Variants in RAD51B observed in about 807,000 individuals in gnomAD.
RAD51B encodes RAD51 paralog B.
RAD51B carries 38 observed loss-of-function variants against 42.2 expected under a neutral mutation model. The ratio of observed to expected loss-of-function variants is 0.90; its 90% confidence interval spans 0.70 to 1.18. The LOEUF (loss-of-function observed/expected upper bound fraction) is 1.18, where lower values mean the gene tolerates loss of function less well. Ranked by LOEUF, RAD51B falls within the 50% of genes most tolerant of loss-of-function variation. RAD51B has a pLI of 0.00. For synonymous variants in RAD51B, 154 were observed against 145.2 expected, an observed-to-expected ratio of 1.06 and a Z score of -0.43; for missense variants, 373 against 400.7, an observed-to-expected ratio of 0.93 and a Z score of 0.59.
At chr14:68,274,295 GGCAGAGCTAC>G (rs2081179297) in intron 7 of RAD51B, among the ~76,000 whole-genome samples, 1 of 152,036 alleles carries the variant, frequency 6.6e-6, no homozygotes, top group South Asian at 2.1e-4. Flanking sequence ...AAGCATTCAT[GGCAGAGCTAC>G]AAAATGTACC....
At chr14:68,141,190 T>G (rs1312141008) in intron 7 of RAD51B, among the ~76,000 whole-genome samples, 4 of 152,218 alleles carry the variant, frequency 2.6e-5, no homozygotes, top group Non-Finnish European at 5.9e-5. Context: ...ACATTTTTTG[T>G]TTTAGAAAAT....
At chr14:68,671,761 C>T (rs957230550) in intron 11 of RAD51B, among the ~76,000 whole-genome samples, 8 of 152,076 alleles carry the variant, frequency 5.3e-5, no homozygotes, top group African/African-American at 1.7e-4. Context: ...AAGGATGCCT[C>T]CACAGTGCTC....
Position 67,853,212 on chromosome 14 carries a change from C to A in RAD51B, c.316-11791C>A, listed in dbSNP as rs1391323220. Among the ~76,000 whole-genome samples the A allele has an allele frequency of 5.3e-5, 8 of 152,186 alleles. 1 individual carries two copies. The East Asian group carries it at 1.5e-3, about 29-fold the overall frequency. The stretch of plus-strand genomic sequence containing the variant: ...GATTTTTGCCAACAGCTTGAATGAA[C>A]TTGGAAGTTGATTCTTACTCCCAAC... On this transcript the variant is annotated intron_variant, in intron 4 of 10. Coordinates refer to ENST00000471583, the MANE Select transcript of RAD51B (RefSeq NM_133510.4).
intron 10 of RAD51B, among the ~76,000 whole-genome samples, chr14:68,625,550 G>A (rs1892058652): frequency 6.6e-6 from 1 of 152,122 alleles, no homozygotes; most frequent in Non-Finnish European, 1.5e-5. Context: ...ATAGCTCACT[G>A]CAGCCTCGAC....
intron 10 of RAD51B, among the ~76,000 whole-genome samples, chr14:68,631,297 G>C (rs1229147971): frequency 1.3e-5 from 2 of 152,204 alleles, no homozygotes; most frequent in Non-Finnish European, 2.9e-5. Context: ...GGAAGACACT[G>C]TGAGACCAGA....
chr14:68,062,368 G>A (rs976531052), intron 7 of RAD51B, among the ~76,000 whole-genome samples: 1 of 152,118 alleles, frequency 6.6e-6, no homozygotes, highest in African/African-American at 2.4e-5. Flanking sequence ...TTTTGGTTGT[G>A]TCCTTGTCTG....
chr14:67,893,226 G>A, intron 7 of RAD51B, among the ~76,000 whole-genome samples: 1 of 151,886 alleles, frequency 6.6e-6, no homozygotes, highest in Non-Finnish European at 1.5e-5. Flanking sequence ...TTTGTAAGAT[G>A]GTGATATTAG....
At chr14:68,168,640 C>G (rs763401922) in intron 7 of RAD51B, among the ~76,000 whole-genome samples, 5 of 152,088 alleles carry the variant, frequency 3.3e-5, no homozygotes, top group African/African-American at 1.2e-4. Context: ...ACTCAGCCAG[C>G]CTTTTCAAAC....
At chr14:68,487,888 G>A (rs989549680) in intron 10 of RAD51B, among the ~76,000 whole-genome samples, 4 of 152,134 alleles carry the variant, frequency 2.6e-5, no homozygotes, top group Admixed American at 6.5e-5. Context: ...ATTTTGAGGG[G>A]ACACAGCTCA....
rs796840319 is a variant in RAD51B at position 68,349,121 on chromosome 14, G to A, written c.853+57141G>A. ...TTTGAAATTTATATAATTTCTACAT[G>A]TCACAAAATTTTTTTTGTCTTTTTT... On this transcript the variant is annotated intron_variant, in intron 8 of 10. Transcript: ENST00000471583. Among the ~76,000 whole-genome samples the A allele has an allele frequency of 2.6e-5, 4 of 152,184 alleles. No homozygotes were observed. In the South Asian group the frequency reaches 6.2e-4, roughly 24 times the overall value.
intron 7 of RAD51B, among the ~76,000 whole-genome samples, chr14:68,276,071 T>C (rs767335349): frequency 1.3e-5 from 2 of 152,142 alleles, no homozygotes; most frequent in Non-Finnish European, 2.9e-5. Context: ...AGCTCCTTTT[T>C]TGAGACAGAT....
intron 4 of RAD51B, among the ~76,000 whole-genome samples, chr14:67,859,529 A>G (rs2042096895): frequency 2.0e-5 from 3 of 152,322 alleles, no homozygotes; most frequent in South Asian, 4.1e-4. Context: ...ACTTTCTGAT[A>G]TTTTATTCCC....
chr14:68,250,655 G>T (rs2080608363), intron 7 of RAD51B, among the ~76,000 whole-genome samples: 1 of 152,128 alleles, frequency 6.6e-6, no homozygotes, highest in South Asian at 2.1e-4. Flanking sequence ...AGGCCTATGG[G>T]TGTTGCCCTG....
rs146305911 is a variant in RAD51B, at chr14:68,359,964, C to T, written c.854-51460C>T. Among the ~76,000 whole-genome samples, 942 of 152,334 alleles carry T rather than the reference C, an allele frequency of 6.2e-3. 4 individuals carry two copies. Among genetic ancestry groups the T allele is most frequent in the African/African-American group, 0.022 (899 of 41,570 alleles). ...AACCTTTCTCAGTGTTTGCAGGGTG[C>T]AGGGAAACGGCCTTGTCAGCCTGGG... On this transcript the variant is annotated intron_variant, in intron 8 of 10. Coordinates refer to ENST00000471583, the MANE Select transcript of RAD51B (RefSeq NM_133510.4).
intron 7 of RAD51B, among the ~76,000 whole-genome samples, chr14:68,119,354 C>T (rs1369178757): frequency 6.8e-6 from 1 of 147,684 alleles, no homozygotes; most frequent in African/African-American, 2.5e-5. Flanking sequence ...TTTTAGGGTA[C>T]ATGTGCACAA....
intron 10 of RAD51B, chr14:68,562,783 C>T (rs1396928837): frequency 3.0e-6 from 3 of 985,246 alleles, no homozygotes; most frequent in Middle Eastern, 5.2e-4. Flanking sequence ...ATGCTAGATA[C>T]CCATCCAGGG....
chr14:68,191,229 C>T (rs920305492), intron 7 of RAD51B, among the ~76,000 whole-genome samples: 2 of 152,090 alleles, frequency 1.3e-5, no homozygotes, highest in Non-Finnish European at 2.9e-5. Flanking sequence ...GCAGGGTTAA[C>T]ATATGAACTG....
At chr14:68,040,761 C>T (rs1441978855) in intron 7 of RAD51B, among the ~76,000 whole-genome samples, 1 of 152,182 alleles carries the variant, frequency 6.6e-6, no homozygotes, top group Admixed American at 6.5e-5. Flanking sequence ...GTCCTCACAG[C>T]ATTCTTAGAG....
intron 10 of RAD51B, among the ~76,000 whole-genome samples, chr14:68,637,442 C>A (rs1011431426): frequency 5.3e-5 from 8 of 152,264 alleles, no homozygotes; most frequent in South Asian, 2.1e-4. Context: ...CCTGGGCAGG[C>A]CTGAAAGATC....
Sources: gnomAD v4.1 joint callset for allele counts (sites outside exome capture counted in the v4.1 genomes callset) on GRCh38, gnomAD v4.1.1 for gene constraint, MANE v1.5 for transcripts, NCBI Gene and HGNC (gene_info 2026-07-23, HGNC 2026-07-21) for gene names.